Variants in RNF220 observed in about 807,000 individuals in gnomAD.
The protein encoded by RNF220 is E3 ubiquitin-protein ligase RNF220.
Under a neutral mutation model 67.1 loss-of-function variants are expected in RNF220, and 7 were observed. That is an observed-to-expected ratio of 0.10 (90% CI 0.06 to 0.20). RNF220 has a LOEUF of 0.20. RNF220 is among the 10% of genes least tolerant of loss of function. The probability of loss-of-function intolerance (pLI) is 1.00; values close to 1 mark genes in which losing one functional copy is unlikely to be tolerated. For synonymous variants in RNF220, 270 were observed against 283.2 expected, an observed-to-expected ratio of 0.95 and a Z score of 0.47; for missense variants, 565 against 740.3, an observed-to-expected ratio of 0.76 and a Z score of 2.75.
Position 44,569,886 on chromosome 1 carries a change from A to G in RNF220, c.626-44279A>G, listed in dbSNP as rs536671048. On this transcript the variant is annotated intron_variant, in intron 2 of 14. Coordinates refer to ENST00000361799, the MANE Select transcript of RNF220 (RefSeq NM_018150.4). ...TCGTCCTGGGCCCCAGCAGGAGTTC[A>G]TAGTCTGAAAGGGGTAGCAGGCCTA... 6.0e-4 allele frequency among the ~76,000 whole-genome samples: 91 copies of G among 152,286 alleles called. 1 individual carries two copies. The highest frequency in any genetic ancestry group is 2.0e-3 in the African/African-American group (85 of 41,558).
intron 2 of RNF220, among the ~76,000 whole-genome samples, chr1:44,448,473 C>G (rs1467744103): frequency 6.6e-6 from 1 of 152,204 alleles, no homozygotes; most frequent in African/African-American, 2.4e-5. Flanking sequence ...TGGCACAAGC[C>G]TTCTTGCAGC....
chr1:44,509,274 G>C (rs563284553), intron 2 of RNF220, among the ~76,000 whole-genome samples: 1 of 152,182 alleles, frequency 6.6e-6, no homozygotes, highest in Non-Finnish European at 1.5e-5. Context: ...TAGGCAGCCG[G>C]GTGTGGTGGC....
rs374627958 is a variant in RNF220 at position 44,635,612 on chromosome 1, C to T, written c.993+24C>T. On this transcript the variant is annotated intron_variant, in intron 7 of 14. Coordinates refer to ENST00000361799, the MANE Select transcript of RNF220 (RefSeq NM_018150.4). ...AGGTATGTCCCCTGTGCAACCGCCC[C>T]CTGGCAGGATCGGAGCAGGAGATGA... The T allele has an allele frequency of 5.8e-5, 94 of 1,614,168 alleles. No individual in the cohort carries two copies. The African/African-American group carries it at 1.2e-3, about 20-fold the overall frequency.
In RNF220 at chr1:44,552,566, C is replaced by CT. The variant is rs57847805; in HGVS notation, c.626-61577dup. On this transcript the variant is annotated intron_variant, in intron 2 of 14. Coordinates refer to ENST00000361799, the MANE Select transcript of RNF220 (RefSeq NM_018150.4). ...GGCTCCCTGCTATTCTAAACTTCTT[C>CT]TTTTTTTTTTTTTTTTTTTTTTGAG... is the stretch of plus-strand genomic sequence containing the variant. Among the ~76,000 whole-genome samples, 268 of 83,712 alleles carry CT rather than the reference C, an allele frequency of 3.2e-3. 1 individual carries two copies. The highest frequency in any genetic ancestry group is 0.013 in the African/African-American group (264 of 19,720). 54.9% of individuals were successfully genotyped at this position (83,712 alleles called of 152,430 possible).
At chr1:44,614,082 C>T in intron 2 of RNF220, 83 bp from the exon 3 acceptor site, 4 of 1,576,688 alleles carry the variant, frequency 2.5e-6, no homozygotes, top group Non-Finnish European at 3.5e-6. Context: ...CAGCAGCAGG[C>T]TTGGGTTTCA....
At chr1:44,583,929 G>A (rs531719738) in intron 2 of RNF220, among the ~76,000 whole-genome samples, 1 of 152,224 alleles carries the variant, frequency 6.6e-6, no homozygotes, top group African/African-American at 2.4e-5. Context: ...AAGACAGAAT[G>A]AAATGATAAT....
Position 44,626,342 on chromosome 1 carries a change from A to G in RNF220, c.850A>G (p.Thr284Ala), listed in dbSNP as rs1643937537. ...CATCAAGAGGGAAGGAGAGTCTCCA[A>G]CGGCATCACCCCACTCATCTGCCAC... ...ASIKREGESP[T>A]ASPHSSATDD... The change falls in exon 5 of 15, where the codon ACG (threonine) becomes GCG (alanine). Residue 284 changes from threonine (T) to alanine (A), a missense_variant. Coordinates refer to ENST00000361799, the MANE Select transcript of RNF220 (RefSeq NM_018150.4). 6.2e-7 allele frequency: 1 copy of G among 1,614,004 alleles called. No homozygotes were observed. The highest frequency in any genetic ancestry group is 8.5e-7 in the Non-Finnish European group (1 of 1,179,976).
chr1:44,605,467 A>G (rs566567250), intron 2 of RNF220, among the ~76,000 whole-genome samples: 39 of 152,200 alleles, frequency 2.6e-4, no homozygotes, highest in Non-Finnish European at 5.3e-4. Context: ...ATTGATTCAA[A>G]CAATATTTAT....
intron 2 of RNF220, among the ~76,000 whole-genome samples, chr1:44,476,089 G>A (rs990370609): frequency 6.6e-6 from 1 of 151,856 alleles, no homozygotes; most frequent in East Asian, 1.9e-4. Flanking sequence ...TCCAAAACAA[G>A]CAAAACTAAG....
Position 44,548,134 on chromosome 1 carries a change from A to T in RNF220, c.626-66031A>T, listed in dbSNP as rs192153294. Among the ~76,000 whole-genome samples the T allele has an allele frequency of 2.5e-4, 38 of 152,120 alleles. No individual in the cohort carries two copies. In the East Asian group the frequency reaches 6.4e-3, roughly 25 times the overall value. ...TCTCGTTAGTCACGAAATCCTGTGG[A>T]TTCCTTATCGTCCCTTATATATGTC... On this transcript the variant is annotated intron_variant, in intron 2 of 14. Coordinates refer to ENST00000361799, the MANE Select transcript of RNF220 (RefSeq NM_018150.4).
chr1:44,503,574 T>C (rs1207817058), intron 2 of RNF220, among the ~76,000 whole-genome samples: 2 of 152,146 alleles, frequency 1.3e-5, no homozygotes, highest in Non-Finnish European at 2.9e-5. Flanking sequence ...TGCAGCCACA[T>C]ATAATCTCAG....
At chr1:44,446,843 C>T (rs1277128511) in intron 2 of RNF220, among the ~76,000 whole-genome samples, 1 of 152,196 alleles carries the variant, frequency 6.6e-6, no homozygotes, top group Non-Finnish European at 1.5e-5. Context: ...AGGCGTGAGC[C>T]ACCATGCCCA....
intron 2 of RNF220, among the ~76,000 whole-genome samples, chr1:44,441,853 C>T (rs1651593080): frequency 6.6e-6 from 1 of 152,162 alleles, no homozygotes; most frequent in Non-Finnish European, 1.5e-5. Context: ...TGACTTCTAC[C>T]TTCAAGCATC....
At chr1:44,421,339 G>T (rs1052430535) in intron 2 of RNF220, among the ~76,000 whole-genome samples, 1 of 152,152 alleles carries the variant, frequency 6.6e-6, no homozygotes, top group Admixed American at 6.5e-5. Flanking sequence ...TGGACTACAC[G>T]TAATGAGATT....
At chr1:44,535,936 A>G (rs1038550094) in intron 2 of RNF220, among the ~76,000 whole-genome samples, 1 of 152,188 alleles carries the variant, frequency 6.6e-6, no homozygotes, top group Non-Finnish European at 1.5e-5. Flanking sequence ...GAACTCTGCA[A>G]ATTTTCCTTC....
At chr1:44,486,294 G>GGCTGAGAGA (rs1271127395) in intron 2 of RNF220, among the ~76,000 whole-genome samples, 1 of 152,200 alleles carries the variant, frequency 6.6e-6, no homozygotes, top group African/African-American at 2.4e-5. Context: ...GGAGCACATA[G>GGCTGAGAGA]GCTGAGAGAG....
chr1:44,437,133 T>C (rs1206409552), intron 2 of RNF220, among the ~76,000 whole-genome samples: 1 of 152,234 alleles, frequency 6.6e-6, no homozygotes, highest in East Asian at 1.9e-4. Flanking sequence ...TACTGCCTTA[T>C]GGCAAATGGA....
chr1:44,425,239 G>A (rs1248568301), intron 2 of RNF220, among the ~76,000 whole-genome samples: 1 of 151,994 alleles, frequency 6.6e-6, no homozygotes, highest in African/African-American at 2.4e-5. Flanking sequence ...AGTTGGGGAT[G>A]GTATTTTTCC....
intron 1 of RNF220, 52 bp downstream of exon 1, chr1:44,405,582 G>C (rs1011680754): frequency 6.2e-6 from 2 of 323,436 alleles, no homozygotes; most frequent in African/African-American, 4.4e-5. Flanking sequence ...AAGAGGGGTG[G>C]GTGCGAGGGC....
Sources: gnomAD v4.1 joint callset for allele counts (sites outside exome capture counted in the v4.1 genomes callset) on GRCh38, gnomAD v4.1.1 for gene constraint, MANE v1.5 for transcripts, NCBI Gene and HGNC (gene_info 2026-07-23, HGNC 2026-07-21) for gene names.